KIF18A: variants seen among roughly 807,000 people sequenced by gnomAD.
KIF18A encodes the protein kinesin-like protein KIF18A.
A neutral mutation model predicts 103.3 loss-of-function variants in KIF18A; 67 were observed. That is an observed-to-expected ratio of 0.65 (90% CI 0.53 to 0.79). The LOEUF is 0.79. Ranked by LOEUF, KIF18A falls within the 30% of genes least tolerant of loss-of-function variation. The probability of loss-of-function intolerance (pLI) is 0.00; values close to 1 mark genes in which losing one functional copy is unlikely to be tolerated. For missense variants in KIF18A, 1,032 were observed against 1,062.5 expected (o/e 0.97, Z 0.40); for synonymous variants, 367 against 355.5 (o/e 1.03, Z -0.36).
At chr11:28,073,810 C>A (rs1335345612) in intron 10 of KIF18A, among the ~76,000 whole-genome samples, 1 of 152,106 alleles carries the variant, frequency 6.6e-6, no homozygotes, top group Non-Finnish European at 1.5e-5. Flanking sequence ...TCTTTCTTTA[C>A]CTCCATTGTG....
At chr11:28,096,614 G>C (rs966783833) in intron 2 of KIF18A, among the ~76,000 whole-genome samples, 1 of 152,050 alleles carries the variant, frequency 6.6e-6, no homozygotes, top group Non-Finnish European at 1.5e-5. Context: ...AAGAGGAAAA[G>C]AATATCTTCT....
intron 12 of KIF18A, among the ~76,000 whole-genome samples, chr11:28,061,984 G>C (rs867999643): frequency 6.6e-6 from 1 of 152,032 alleles, no homozygotes; most frequent in African/African-American, 2.4e-5. Context: ...CAACTTCACT[G>C]TAATGACAGC....
Position 28,076,935 on chromosome 11 carries a change from G to GAAA in KIF18A, c.1425+69_1425+71dup, listed in dbSNP as rs11433506. The stretch of plus-strand genomic sequence containing the variant: ...GGCAACAGAAGAAGAGACTCCTTCT[G>GAAA]AAAAAAAAAAAAAAAAAAAAGCCCC... On this transcript the variant is annotated intron_variant, in intron 10 of 16. Coordinates refer to ENST00000263181, the MANE Select transcript of KIF18A (RefSeq NM_031217.4). 4.8e-3 allele frequency: 1,426 copies of GAAA among 294,394 alleles called. 3 individuals are homozygous for GAAA. The highest frequency in any genetic ancestry group is 0.019 in the Middle Eastern group (15 of 802). 18.2% of individuals were successfully genotyped at this position (294,394 alleles called of 1,614,324 possible).
intron 13 of KIF18A, among the ~76,000 whole-genome samples, chr11:28,044,689 C>T (rs1445895196): frequency 6.6e-6 from 1 of 151,950 alleles, no homozygotes; most frequent in Non-Finnish European, 1.5e-5. Flanking sequence ...GTTTTAGAAG[C>T]CTCTCAAAAG....
At position 28,057,529 on chromosome 11, in the gene KIF18A, C is replaced by CA. The variant is rs1029798624; in HGVS notation, c.1948+1396dup. On this transcript the variant is annotated intron_variant, in intron 13 of 16. Transcript: ENST00000263181. ...GACTCGGTCTCAAAACAAAACAAAA[C>CA]AAAAAAAACAAAACAAAAAAGACTA... Among the ~76,000 whole-genome samples the CA allele has an allele frequency of 9.6e-4, 145 of 151,146 alleles. 1 individual carries two copies. Among genetic ancestry groups the CA allele is most frequent in the South Asian group, 3.4e-3 (16 of 4,768 alleles).
chr11:28,077,130 T>C lies in KIF18A; in HGVS notation c.1302A>G (p.Glu434=). The part of the protein sequence containing the change: ...EILNCLFQNR[E]EIRQEYLKLE... ...ACTTCAGATATTCTTGTCTAATTTC[T>C]TCTCGATTCTGGAACAAGCAGTTCA... The change falls in exon 10 of 17, where the codon GAA becomes GAG. Residue 434 remains glutamate, a synonymous_variant. Coordinates refer to ENST00000263181, the MANE Select transcript of KIF18A (RefSeq NM_031217.4). The C allele has an allele frequency of 1.3e-6, 2 of 1,576,892 alleles. No homozygotes were observed. Among genetic ancestry groups the C allele is most frequent in the South Asian group, 1.2e-5 (1 of 84,650 alleles).
chr11:28,087,877 C>T (rs1482150152), intron 6 of KIF18A, among the ~76,000 whole-genome samples: 6 of 152,044 alleles, frequency 3.9e-5, no homozygotes, highest in South Asian at 4.2e-4. Flanking sequence ...CTAAAGCTTT[C>T]GAGTATGGTT....
chr11:28,045,313 C>T (rs1850617320), intron 13 of KIF18A, among the ~76,000 whole-genome samples: 1 of 151,522 alleles, frequency 6.6e-6, no homozygotes, highest in African/African-American at 2.4e-5. Context: ...GTATTTGCAT[C>T]TTTCAAATAT....
chr11:28,036,738 C>A, intron 13 of KIF18A, 74 bp from the exon 14 acceptor site: 1 of 813,238 alleles, frequency 1.2e-6, no homozygotes, highest in Non-Finnish European at 1.8e-6. Context: ...ACTTTTAAAA[C>A]TAAGAAACCC....
intron 11 of KIF18A, among the ~76,000 whole-genome samples, chr11:28,068,828 G>A (rs1006086053): frequency 2.0e-5 from 3 of 152,050 alleles, no homozygotes; most frequent in African/African-American, 7.2e-5. Context: ...CCTTGTAGCA[G>A]AACATAATTC....
In KIF18A at chr11:28,020,804, T is replaced by C. The variant is rs1432863681; in HGVS notation, c.*396A>G. 6.6e-6 allele frequency: 1 copy of C among 152,616 alleles called. No homozygotes were observed. Among genetic ancestry groups the C allele is most frequent in the Admixed American group, 6.5e-5 (1 of 15,274 alleles). 9.5% of individuals were successfully genotyped at this position (152,616 alleles called of 1,614,324 possible). A position where few individuals can be genotyped will look rare whatever the true frequency, so the allele number is the denominator to read the frequency against. On this transcript the variant is annotated 3_prime_UTR_variant, in exon 17 of 17. Transcript: ENST00000263181. ...TATCAAAACATAATAGAGAACCAAA[T>C]ACATCTTGGGCCATAATTTTACCAC...
Position 28,082,954 on chromosome 11 carries a change from T to A in KIF18A, c.1164A>T (p.Lys388Asn). ...NEQKAEILLL[K>N]EKLKAYEEQK... The stretch of plus-strand genomic sequence containing the variant: ...GTTCTTCATAGGCTTTTAGTTTTTC[T>A]TTTAACAATAAAATCTAGTAGAGAG... Residue 388 changes from lysine (K) to asparagine (N), a missense_variant, in exon 9 of 17, where the codon AAA becomes AAT. Physicochemically the swap from Lys to Asn is moderately conservative, Grantham distance 94. Coordinates refer to ENST00000263181, the MANE Select transcript of KIF18A (RefSeq NM_031217.4). The A allele has an allele frequency of 3.8e-6, 6 of 1,582,152 alleles. No homozygotes were observed. Among genetic ancestry groups the A allele is most frequent in the Non-Finnish European group, 5.2e-6 (6 of 1,162,364 alleles).
At position 28,023,745 on chromosome 11, in the gene KIF18A, T is replaced by G. The variant is rs1850275022; in HGVS notation, c.2610A>C (p.Thr870=). 1 of 1,580,188 alleles carries G rather than the reference T, an allele frequency of 6.3e-7. No individual in the cohort carries two copies. Among genetic ancestry groups the G allele is most frequent in the African/African-American group, 1.3e-5 (1 of 74,412 alleles). ...AAATTAAAAGCTGAGACATACCCAT[T>G]GTTGGTTTGTTTTCTTGTAAGTGCT... The part of the protein sequence containing the change: ...SEKHLQENKP[T]MEHKRNICKI... Residue 870 remains threonine, a synonymous_variant, in exon 16 of 17, where the codon ACA becomes ACC. Coordinates refer to ENST00000263181, the MANE Select transcript of KIF18A (RefSeq NM_031217.4).
chr11:28,048,978 C>A (rs1233247663), intron 13 of KIF18A, among the ~76,000 whole-genome samples: 1 of 152,032 alleles, frequency 6.6e-6, no homozygotes, highest in Non-Finnish European at 1.5e-5. Context: ...TAGCTTGACA[C>A]TGGACTTGGA....
Position 28,020,854 on chromosome 11 carries a change from TAATA to T in KIF18A, c.*342_*345del, listed in dbSNP as rs1850229479. The stretch of plus-strand genomic sequence containing the variant: ...CTTCTAAATTCTTATTTTTAAAAAA[TAATA>T]AAGATAATTTAACTCACTACCATTT... On this transcript the variant is annotated 3_prime_UTR_variant, in exon 17 of 17. Coordinates refer to ENST00000263181, the MANE Select transcript of KIF18A (RefSeq NM_031217.4). 6.5e-6 allele frequency: 1 copy of T among 153,964 alleles called. No individual in the cohort carries two copies. Among genetic ancestry groups the T allele is most frequent in the Non-Finnish European group, 1.4e-5 (1 of 69,326 alleles). The allele number at this position is 153,964 out of a possible 1,614,324, so 9.5% of individuals were successfully genotyped here.
intron 6 of KIF18A, among the ~76,000 whole-genome samples, chr11:28,085,908 T>C (rs1851222400): frequency 6.6e-6 from 1 of 152,150 alleles, no homozygotes; most frequent in African/African-American, 2.4e-5. Flanking sequence ...TAATTGGTGA[T>C]TGAGGTGATG....
At chr11:28,088,903 A>G (rs1464200922) in intron 5 of KIF18A, among the ~76,000 whole-genome samples, 182 bp from the exon 6 acceptor site, 1 of 152,238 alleles carries the variant, frequency 6.6e-6, no homozygotes, top group East Asian at 1.9e-4. Flanking sequence ...AGAAAAATAT[A>G]AAAATGAAAA....
rs779949294 is a variant in KIF18A at position 28,021,266 on chromosome 11, G to C, written c.2631C>G (p.Ile877Met). The C allele has an allele frequency of 4.7e-6, 7 of 1,475,456 alleles. No homozygotes were observed. Among genetic ancestry groups the C allele is most frequent in the Non-Finnish European group, 6.3e-6 (7 of 1,104,016 alleles). 91.4% of individuals were successfully genotyped at this position (1,475,456 alleles called of 1,614,324 possible). A position where few individuals can be genotyped will look rare whatever the true frequency, so the allele number is the denominator to read the frequency against. The change falls in exon 17 of 17, where the codon ATC becomes ATG. Residue 877 changes from isoleucine to methionine, a missense_variant. Coordinates refer to ENST00000263181, the MANE Select transcript of KIF18A (RefSeq NM_031217.4). ...NKPTMEHKRNICKINPSMVRK... is the reference protein window; with the variant it reads ...NKPTMEHKRNMCKINPSMVRK... Reference sequence around the variant, plus strand: ...TAACCATGCTTGGATTTATTTTACAGATGTTTCTTTTATGTTCTAGAGAAG... The same window carrying C: ...TAACCATGCTTGGATTTATTTTACACATGTTTCTTTTATGTTCTAGAGAAG...
At chr11:28,073,966 T>G (rs1173325944) in intron 10 of KIF18A, among the ~76,000 whole-genome samples, 1 of 152,000 alleles carries the variant, frequency 6.6e-6, no homozygotes, top group Non-Finnish European at 1.5e-5. Flanking sequence ...TTCAAATAAT[T>G]GACACTTATA....
Sources: gnomAD v4.1 joint callset for allele counts (sites outside exome capture counted in the v4.1 genomes callset) on GRCh38, gnomAD v4.1.1 for gene constraint, MANE v1.5 for transcripts, NCBI Gene and HGNC (gene_info 2026-07-23, HGNC 2026-07-21) for gene names.